The following KAZN variants were observed in gnomAD, a reference collection of about 807,000 sequenced individuals.
KAZN encodes the protein kazrin, periplakin interacting protein.
KAZN carries 40 observed loss-of-function variants against 87.4 expected under a neutral mutation model. That is an observed-to-expected ratio of 0.46 (90% CI 0.36 to 0.60). The LOEUF (loss-of-function observed/expected upper bound fraction) is 0.60. Among genes scored for constraint, KAZN ranks in the 20% least tolerant of loss-of-function variants. KAZN has a pLI of 0.00. For synonymous variants in KAZN, 466 were observed against 458.3 expected (o/e 1.02, Z -0.22); for missense variants, 898 against 1,073.9 (o/e 0.84, Z 2.29).
chr1:14,585,557 G>C (rs560261828), intron 2 of KAZN, among the ~76,000 whole-genome samples: 6 of 152,284 alleles, frequency 3.9e-5, no homozygotes, highest in Admixed American at 3.9e-4. Context: ...CACATTCAAG[G>C]TCCCTGCTTG....
intron 1 of KAZN, chr1:14,924,645 G>T: frequency 1.2e-6 from 1 of 864,446 alleles, no homozygotes; most frequent in South Asian, 5.1e-5. Context: ...CCGGGCGCGC[G>T]AGGGCGCTCG....
chr1:14,635,699 G>A (rs554986211), intron 1 of KAZN, among the ~76,000 whole-genome samples: 10 of 152,316 alleles, frequency 6.6e-5, no homozygotes, highest in African/African-American at 2.2e-4. Context: ...CAGGTATAGC[G>A]ATCTGTGTGT....
chr1:14,402,669 G>A (rs981205891), intron 2 of KAZN, among the ~76,000 whole-genome samples: 4 of 152,118 alleles, frequency 2.6e-5, no homozygotes, highest in Non-Finnish European at 4.4e-5. Flanking sequence ...AAACATCGAA[G>A]AGTTGCTAAA....
At chr1:14,073,498 C>T (rs972700224) in intron 1 of KAZN, among the ~76,000 whole-genome samples, 3 of 152,098 alleles carry the variant, frequency 2.0e-5, no homozygotes, top group African/African-American at 7.2e-5. Flanking sequence ...TTTGCTGCAC[C>T]TATCAACCTG....
At chr1:14,410,949 A>C (rs1395346734) in intron 2 of KAZN, among the ~76,000 whole-genome samples, 2 of 152,228 alleles carry the variant, frequency 1.3e-5, no homozygotes, top group African/African-American at 4.8e-5. Context: ...GAAGAGAATA[A>C]ATTTCTGTTG....
chr1:14,911,499 C>T (rs1346103784), intron 1 of KAZN, among the ~76,000 whole-genome samples: 2 of 152,198 alleles, frequency 1.3e-5, no homozygotes, highest in African/African-American at 4.8e-5. Context: ...CCTGCATTTC[C>T]GAGTGGGAAG....
At chr1:14,322,384 T>C (rs780996465) in intron 2 of KAZN, among the ~76,000 whole-genome samples, 4 of 152,212 alleles carry the variant, frequency 2.6e-5, no homozygotes, top group African/African-American at 4.8e-5. Flanking sequence ...CTATTCACAC[T>C]TGAATACTAA....
intron 2 of KAZN, among the ~76,000 whole-genome samples, chr1:14,420,191 C>G (rs561032403): frequency 1.3e-5 from 2 of 152,182 alleles, no homozygotes; most frequent in South Asian, 4.1e-4. Context: ...CTGATTGGTG[C>G]GTTTACAAAC....
chr1:13,895,557 G>A (rs961566466), intron 1 of KAZN, among the ~76,000 whole-genome samples: 1 of 152,090 alleles, frequency 6.6e-6, no homozygotes, highest in Non-Finnish European at 1.5e-5. Flanking sequence ...AACGCAAAGA[G>A]GAATCATTAA....
At chr1:14,408,860 G>A (rs934482181) in intron 2 of KAZN, among the ~76,000 whole-genome samples, 6 of 152,044 alleles carry the variant, frequency 3.9e-5, no homozygotes, top group African/African-American at 1.5e-4. Flanking sequence ...AATATGGATT[G>A]TGATCAATTC....
chr1:15,102,112 G>T (rs1333196046), intron 11 of KAZN, among the ~76,000 whole-genome samples: 4 of 152,242 alleles, frequency 2.6e-5, no homozygotes, highest in Admixed American at 1.3e-4. Context: ...CCACAAGGAA[G>T]CTGGTGGTGC....
chr1:14,682,565 G>A (rs537951909), intron 1 of KAZN, among the ~76,000 whole-genome samples: 8 of 152,202 alleles, frequency 5.3e-5, no homozygotes, highest in African/African-American at 1.4e-4. Flanking sequence ...TAGGATTACA[G>A]GCATGAGGCA....
intron 1 of KAZN, among the ~76,000 whole-genome samples, chr1:14,162,608 G>A (rs7529738): frequency 0.18 from 26,222 of 149,432 alleles, 2,863 homozygotes; most frequent in East Asian, 0.33. Flanking sequence ...GCAGTGGCAC[G>A]GTCTGGGCTC....
intron 2 of KAZN, among the ~76,000 whole-genome samples, chr1:14,455,453 G>C (rs1174589347): frequency 6.6e-6 from 1 of 152,126 alleles, no homozygotes; most frequent in Non-Finnish European, 1.5e-5. Context: ...CATCTTGGAG[G>C]CTGCGTTTGT....
chr1:14,624,440 C>CA (rs1188466860), intron 1 of KAZN, among the ~76,000 whole-genome samples: 6 of 140,616 alleles, frequency 4.3e-5, no homozygotes, highest in South Asian at 2.1e-4. Flanking sequence ...AAAAAAACAA[C>CA]AAAAAAAACC....
At chr1:13,923,681 G>C (rs1427905854) in intron 1 of KAZN, among the ~76,000 whole-genome samples, 2 of 152,004 alleles carry the variant, frequency 1.3e-5, no homozygotes, top group African/African-American at 4.8e-5. Context: ...TGAGGAGGAG[G>C]ATGAGGAGGG....
At chr1:15,024,195 G>A (rs1167403392) in intron 2 of KAZN, among the ~76,000 whole-genome samples, 1 of 152,160 alleles carries the variant, frequency 6.6e-6, no homozygotes, top group East Asian at 1.9e-4. Flanking sequence ...AAACGGAGCA[G>A]GCAGAAATGA....
At chr1:14,928,445 T>C (rs1441795912) in intron 1 of KAZN, among the ~76,000 whole-genome samples, 2 of 136,942 alleles carry the variant, frequency 1.5e-5, no homozygotes, top group Non-Finnish European at 3.1e-5. Flanking sequence ...CGAGACTCAG[T>C]CTCAAAAAAA....
intron 1 of KAZN, among the ~76,000 whole-genome samples, chr1:13,930,892 C>A (rs184502086): frequency 4.2e-4 from 64 of 152,322 alleles, no homozygotes; most frequent in African/African-American, 1.5e-3. Context: ...TTAGGGGGTC[C>A]TGGACTGACC....
Sources: allele counts gnomAD v4.1 joint callset (sites outside exome capture counted in the v4.1 genomes callset), GRCh38; gene constraint gnomAD v4.1.1; transcripts MANE v1.5; gene names NCBI Gene and HGNC (gene_info 2026-07-23, HGNC 2026-07-21).